Variants in TRABD observed in about 807,000 individuals in gnomAD.
TRABD encodes the protein TraB domain containing, also known as traB domain-containing protein.
TRABD carries 23 observed loss-of-function variants against 39.6 expected under a neutral mutation model. That is an observed-to-expected ratio of 0.58 (90% CI 0.42 to 0.82). The LOEUF is 0.82. Among genes scored for constraint, TRABD ranks in the 40% least tolerant of loss-of-function variants. The pLI, the probability that TRABD is intolerant of heterozygous loss-of-function variation, is 0.00. For missense variants in TRABD, 487 were observed against 544.9 expected (o/e 0.89, Z 1.06); for synonymous variants, 243 against 232.1 (o/e 1.05, Z -0.43).
intron 1 of TRABD, among the ~76,000 whole-genome samples, chr22:50,188,322 G>A (rs2063810124): frequency 6.6e-6 from 1 of 152,134 alleles, no homozygotes; most frequent in South Asian, 2.1e-4. Context: ...TGCCCAGACT[G>A]GTCTTAAACT....
At chr22:50,191,776 G>C (rs1168458428) in intron 1 of TRABD, 1 of 152,298 alleles carries the variant, frequency 6.6e-6, no homozygotes, top group Non-Finnish European at 1.5e-5. Flanking sequence ...TCTTGAGACA[G>C]AGTCTCCCTC....
intron 1 of TRABD, chr22:50,191,865 GC>G (rs1219258528): frequency 2.0e-5 from 3 of 152,208 alleles, no homozygotes; most frequent in Non-Finnish European, 4.4e-5. Context: ...TGATTCTCCT[GC>G]CTCAGCCTCC....
In TRABD at chr22:50,197,954, G is replaced by A. The variant is rs149826780; in HGVS notation, c.803G>A (p.Arg268His). The A allele has an allele frequency of 7.4e-6, 12 of 1,612,536 alleles. No homozygotes were observed. The highest frequency in any genetic ancestry group is 4.5e-5 in the East Asian group (2 of 44,864). Residue 268 changes from arginine (R) to histidine (H), a missense_variant, in exon 8 of 10, where the codon CGC becomes CAC. Around this residue, in one of 3 missense-constraint regions of TRABD, gnomAD observed 358 missense variants for 414.7 expected, o/e 0.86. Transcript: ENST00000380909. ...GACGTCTACCTAACCTACATGCTGCGCCAGGCCGCGCGGCGCCTCGAGCTG... is the reference window on the plus strand; with the variant it reads ...GACGTCTACCTAACCTACATGCTGCACCAGGCCGCGCGGCGCCTCGAGCTG... The part of the protein sequence containing the change: ...ERDVYLTYML[R>H]QAARRLELPR...
intron 3 of TRABD, among the ~76,000 whole-genome samples, chr22:50,193,881 G>A (rs2147112851): frequency 6.6e-6 from 1 of 152,350 alleles, no homozygotes; most frequent in Admixed American, 6.5e-5. Flanking sequence ...AGCACAGGCA[G>A]GCCCCTGGGC....
intron 1 of TRABD, among the ~76,000 whole-genome samples, chr22:50,186,323 G>T (rs1453148089): frequency 2.2e-5 from 3 of 137,936 alleles, no homozygotes; most frequent in Non-Finnish European, 4.8e-5. Flanking sequence ...CGTTGGGGGG[G>T]CCAGGCCCGG....
intron 1 of TRABD, among the ~76,000 whole-genome samples, chr22:50,191,526 T>G (rs963320515): frequency 6.6e-6 from 1 of 152,182 alleles, no homozygotes; most frequent in Non-Finnish European, 1.5e-5. Flanking sequence ...CTTTTTCTTA[T>G]GAGTTCTGAG....
Position 50,198,459 on chromosome 22 carries a change from C to G in TRABD, c.1071C>G (p.Val357=). The G allele has an allele frequency of 6.3e-7, 1 of 1,595,592 alleles. No individual in the cohort carries two copies. The highest frequency in any genetic ancestry group is 8.5e-7 in the Non-Finnish European group (1 of 1,176,844). The change falls in exon 10 of 10, where the codon GTC becomes GTG. Residue 357 remains valine, a synonymous_variant. Transcript: ENST00000380909. This position sits in a 1 kb window ranked among gnomAD's most constrained non-coding sequence, Gnocchi z 7.9. Reference sequence around the variant, plus strand: ...TGGGCCGCCGCACCGCGAGCCTGGTCCTGTCGCTGCCCGCCGCGCAGTACT... The same window carrying G: ...TGGGCCGCCGCACCGCGAGCCTGGTGCTGTCGCTGCCCGCCGCGCAGTACT... ...YWMGRRTASL[V]LSLPAAQYCL...
chr22:50,197,764 G>GGCCCCCCCCCCCC, intron 7 of TRABD, 59 bp from the exon 8 acceptor site: 2 of 1,284,790 alleles, frequency 1.6e-6, no homozygotes, highest in African/African-American at 1.5e-5. Context: ...CACAGTGCCA[G>GGCCCCCCCCCCCC]CCCCACCCCC....
chr22:50,196,058 G>A (rs905642475), intron 5 of TRABD, among the ~76,000 whole-genome samples: 8 of 152,344 alleles, frequency 5.3e-5, no homozygotes, highest in African/African-American at 9.6e-5. Context: ...CGGCAGTGCC[G>A]TGCTGCTCAC....
intron 2 of TRABD, 105 bp from the exon 3 acceptor site, chr22:50,193,471 C>T (rs2063981785): frequency 3.7e-6 from 4 of 1,091,216 alleles, no homozygotes; most frequent in South Asian, 1.3e-5. Context: ...GTCCACACAG[C>T]GGCCACGGGT....
At chr22:50,195,468 G>GT (rs577443382) in intron 5 of TRABD, among the ~76,000 whole-genome samples, 2,643 of 144,368 alleles carry the variant, frequency 0.018, 40 homozygotes, top group East Asian at 0.07. Flanking sequence ...TTCGGTTTTT[G>GT]TTTTTTTTTT....
At chr22:50,194,801 G>C (rs1293148701) in intron 4 of TRABD, 99 bp from the exon 5 acceptor site, 2 of 1,521,240 alleles carry the variant, frequency 1.3e-6, no homozygotes, top group Non-Finnish European at 1.8e-6. Flanking sequence ...TGACGCCAAG[G>C]CTGGCTGCTC....
Position 50,194,887 on chromosome 22 carries a change from G to T in TRABD, c.280-13G>T. 1 of 1,611,266 alleles carries T rather than the reference G, an allele frequency of 6.2e-7. No homozygotes were observed. On this transcript the variant is annotated splice_polypyrimidine_tract_variant and intron_variant, in intron 4 of 9. Coordinates refer to ENST00000380909, the MANE Select transcript of TRABD (RefSeq NM_001320485.2). ...CGGCTGTGTTCTCGAGGTGTGACCT[G>T]TGGCTGTTGCAGACCATCCGGGAGG...
In TRABD at chr22:50,193,546, C is replaced by G. The variant is rs554720663; in HGVS notation, c.34-30C>G. 7 of 1,611,288 alleles carry G rather than the reference C, an allele frequency of 4.3e-6. No individual in the cohort carries two copies. In the South Asian group the frequency reaches 5.5e-5, roughly 13 times the overall value. ...CCCTGGCTTTCTGGGGTGCATGGAC[C>G]CTGACTTGAACTCTCCTTTCCACCT... On this transcript the variant is annotated intron_variant, in intron 2 of 9. Transcript: ENST00000380909.
Position 50,199,081 on chromosome 22 carries a change from C to T in TRABD, c.*562C>T. The T allele has an allele frequency of 1.4e-6, 1 of 715,320 alleles. No individual in the cohort carries two copies. 44.3% of individuals were successfully genotyped at this position (715,320 alleles called of 1,614,324 possible). On this transcript the variant is annotated 3_prime_UTR_variant, in exon 10 of 10. Transcript: ENST00000380909. ...TCTGTGTTTTTGGCTTTTTTAATGT[C>T]TTAAAATCTTTTACTCAGGTAATTT... is the stretch of plus-strand genomic sequence containing the variant.
At chr22:50,197,639 G>A in intron 7 of TRABD, 51 bp downstream of exon 7, 2 of 1,603,616 alleles carry the variant, frequency 1.2e-6, no homozygotes, top group Non-Finnish European at 1.7e-6. Context: ...TCTGTGGGAG[G>A]CTCCAGGCCC....
chr22:50,186,715 T>C (rs1602415071), intron 1 of TRABD, among the ~76,000 whole-genome samples: 3 of 152,360 alleles, frequency 2.0e-5, no homozygotes, highest in South Asian at 2.1e-4. Flanking sequence ...TTCGCTCTTC[T>C]GTAGGTGCCT....
At chr22:50,188,501 G>C (rs992337975) in intron 1 of TRABD, among the ~76,000 whole-genome samples, 14 of 152,176 alleles carry the variant, frequency 9.2e-5, no homozygotes, top group African/African-American at 3.1e-4. Context: ...CTGGTCCCTG[G>C]TTGCCATGCA....
intron 5 of TRABD, 80 bp from the exon 6 acceptor site, chr22:50,197,161 C>CT: frequency 7.1e-7 from 1 of 1,401,286 alleles, no homozygotes; most frequent in Non-Finnish European, 1.0e-6. Flanking sequence ...CTGGTGCTGC[C>CT]TGCCATCCCA....
Sources: allele counts gnomAD v4.1 joint callset (sites outside exome capture counted in the v4.1 genomes callset), GRCh38; gene constraint gnomAD v4.1.1; regional missense constraint gnomAD v4.1.1; non-coding constraint Gnocchi (gnomAD v3.1); transcripts MANE v1.5; gene names NCBI Gene and HGNC (gene_info 2026-07-23, HGNC 2026-07-21).